NOX4: variants seen among roughly 807,000 people sequenced by gnomAD.
NOX4 encodes the protein kidney oxidase-1.
A neutral mutation model predicts 87.6 loss-of-function variants in NOX4; 69 were observed. That is an observed-to-expected ratio of 0.79 (90% confidence interval 0.65 to 0.96). The LOEUF is 0.96. Ranked by LOEUF, NOX4 falls within the 40% of genes least tolerant of loss-of-function variation. The pLI is 0.00. For synonymous variants in NOX4, 275 were observed against 238.2 expected (o/e 1.15, Z -1.42); for missense variants, 680 against 681.5 (o/e 1.00, Z 0.02).
intron 12 of NOX4, among the ~76,000 whole-genome samples, chr11:89,365,891 G>C (rs1259301184): frequency 6.6e-6 from 1 of 151,884 alleles, no homozygotes; most frequent in Non-Finnish European, 1.5e-5. Context: ...CATGTAGTGA[G>C]TCTTCTCTGT....
At chr11:89,405,215 A>G (rs1565247663) in intron 8 of NOX4, among the ~76,000 whole-genome samples, 1 of 151,872 alleles carries the variant, frequency 6.6e-6, no homozygotes, top group Admixed American at 6.6e-5. Flanking sequence ...TAACTCTACC[A>G]TGCTCTAGGT....
chr11:89,387,565 T>C (rs1217016013), intron 11 of NOX4, among the ~76,000 whole-genome samples: 1 of 152,134 alleles, frequency 6.6e-6, no homozygotes, highest in Non-Finnish European at 1.5e-5. Context: ...TGACAGTTTG[T>C]TCCTGAATAA....
At chr11:89,472,900 A>T (rs978877988) in intron 2 of NOX4, among the ~76,000 whole-genome samples, 11 of 152,152 alleles carry the variant, frequency 7.2e-5, no homozygotes, top group Non-Finnish European at 1.5e-4. Flanking sequence ...AATACCTGTG[A>T]CCTCTACCAA....
At chr11:89,353,475 A>G (rs1283713268) in intron 13 of NOX4, among the ~76,000 whole-genome samples, 1 of 152,182 alleles carries the variant, frequency 6.6e-6, no homozygotes. Flanking sequence ...AATAAAGTAT[A>G]TTTTAATTAA....
intron 3 of NOX4, among the ~76,000 whole-genome samples, chr11:89,450,814 A>G (rs1944924225): frequency 6.6e-6 from 1 of 150,922 alleles, no homozygotes; most frequent in South Asian, 2.1e-4. Flanking sequence ...CTTGGAACCA[A>G]CCCAAATGTC....
intron 11 of NOX4, among the ~76,000 whole-genome samples, chr11:89,376,177 T>C (rs1450116834): frequency 6.6e-6 from 1 of 152,192 alleles, no homozygotes; most frequent in African/African-American, 2.4e-5. Flanking sequence ...TCTCAACCTC[T>C]TGGAAATGAA....
chr11:89,375,561 A>G (rs1939775407), intron 11 of NOX4, among the ~76,000 whole-genome samples: 1 of 151,244 alleles, frequency 6.6e-6, no homozygotes, highest in Non-Finnish European at 1.5e-5. Context: ...ATCCACCTCA[A>G]CCTCCCAAAC....
In NOX4 at chr11:89,451,728, C is replaced by T. The variant is rs11827793; in HGVS notation, c.264+57G>A. ...TATGAAAAGTAAACAAACTAACATG[C>T]GACTGTTACACTTGATTTTTATGCT... On this transcript the variant is annotated intron_variant, in intron 3 of 17. Transcript: ENST00000263317. 4.8e-3 allele frequency: 5,590 copies of T among 1,165,982 alleles called. 174 individuals are homozygous for T. In the African/African-American group the frequency reaches 0.071, roughly 15 times the overall value. 72.2% of individuals were successfully genotyped at this position (1,165,982 alleles called of 1,614,324 possible). A position where few individuals can be genotyped will look rare whatever the true frequency, so the allele number is the denominator to read the frequency against.
At chr11:89,569,921 G>C in the NOX4 span, among the ~76,000 whole-genome samples, 3 of 150,660 alleles carry the variant, frequency 2.0e-5, no homozygotes, top group Non-Finnish European at 4.4e-5. Flanking sequence ...AGAATGGCAC[G>C]AACCTGGGAG....
the NOX4 span, among the ~76,000 whole-genome samples, chr11:89,567,407 C>T: frequency 6.6e-6 from 1 of 152,192 alleles, no homozygotes; most frequent in African/African-American, 2.4e-5. Flanking sequence ...GAACCTCTCA[C>T]AACCCCAGTC....
At chr11:89,576,802 C>T in the NOX4 span, 8 of 152,012 alleles carry the variant, frequency 5.3e-5, no homozygotes, top group South Asian at 1.7e-3. Context: ...ACAAATATTT[C>T]CTGAACATTT....
intron 13 of NOX4, among the ~76,000 whole-genome samples, chr11:89,342,582 A>G (rs1023904604): frequency 6.6e-6 from 1 of 152,162 alleles, no homozygotes; most frequent in Admixed American, 6.5e-5. Flanking sequence ...TAAATTCAAT[A>G]AACATTTTTT....
chr11:89,381,615 T>C (rs1940288867), intron 11 of NOX4, among the ~76,000 whole-genome samples: 1 of 152,218 alleles, frequency 6.6e-6, no homozygotes. Flanking sequence ...TAAAAAGCTT[T>C]ATTGCTTAGC....
intron 12 of NOX4, among the ~76,000 whole-genome samples, chr11:89,363,564 T>A (rs1415660726): frequency 6.6e-6 from 1 of 152,048 alleles, no homozygotes; most frequent in Non-Finnish European, 1.5e-5. Context: ...ACAAAATTAT[T>A]TAAAAAGGGA....
chr11:89,451,358 T>G (rs1187343167), intron 3 of NOX4, among the ~76,000 whole-genome samples: 1 of 152,130 alleles, frequency 6.6e-6, no homozygotes, highest in East Asian at 1.9e-4. Context: ...TGGATTTAGC[T>G]AAGTGAAAAT....
chr11:89,539,926 C>G, the NOX4 span, among the ~76,000 whole-genome samples: 3 of 152,090 alleles, frequency 2.0e-5, no homozygotes, highest in African/African-American at 7.2e-5. Flanking sequence ...TACATCTTCT[C>G]CTGCAGAATA....
the NOX4 span, among the ~76,000 whole-genome samples, chr11:89,541,646 G>T: frequency 6.6e-6 from 1 of 151,762 alleles, no homozygotes; most frequent in African/African-American, 2.4e-5. Context: ...ATTCAGAAAT[G>T]AACATTTAAT....
intron 12 of NOX4, among the ~76,000 whole-genome samples, chr11:89,357,963 A>G (rs1376199320): frequency 2.0e-5 from 3 of 152,174 alleles, no homozygotes; most frequent in African/African-American, 7.2e-5. Context: ...GCAGCAAAAA[A>G]GACATCACTT....
At position 89,327,134 on chromosome 11, in the gene NOX4, T is replaced by A. The variant is rs562423674; in HGVS notation, c.1617-258A>T. Among the ~76,000 whole-genome samples the A allele has an allele frequency of 2.0e-5, 3 of 152,280 alleles. No homozygotes were observed. The East Asian group carries it at 5.8e-4, about 29-fold the overall frequency. The stretch of plus-strand genomic sequence containing the variant: ...GAGCACAAATATGCTTATTATCAGG[T>A]AGAGATTTATCAGTTTGCCTTAGTC... On this transcript the variant is annotated intron_variant, in intron 17 of 17. Coordinates refer to ENST00000263317, the MANE Select transcript of NOX4 (RefSeq NM_016931.5).
Sources: allele counts gnomAD v4.1 joint callset (sites outside exome capture counted in the v4.1 genomes callset), GRCh38; gene constraint gnomAD v4.1.1; transcripts MANE v1.5; gene names NCBI Gene and HGNC (gene_info 2026-07-23, HGNC 2026-07-21).